Variants in LOXL4 observed in about 807,000 individuals in gnomAD.
LOXL4 encodes lysyl oxidase homolog 4.
LOXL4 carries 72 observed loss-of-function variants against 89.1 expected under a neutral mutation model. That is an observed-to-expected ratio of 0.81 (90% CI 0.67 to 0.98). The LOEUF (loss-of-function observed/expected upper bound fraction) is 0.98, where lower values mean the gene tolerates loss of function less well. Among genes scored for constraint, LOXL4 ranks in the 50% least tolerant of loss-of-function variants. The probability of loss-of-function intolerance (pLI) is 0.00; values close to 1 mark genes in which losing one functional copy is unlikely to be tolerated. For missense variants in LOXL4, 984 were observed against 1,017.5 expected, an observed-to-expected ratio of 0.97 and a Z score of 0.45; for synonymous variants, 355 against 392.1, an observed-to-expected ratio of 0.91 and a Z score of 1.12.
rs887141067 is a variant in LOXL4 at position 98,263,044 on chromosome 10, C to T, written c.-25G>A. 6.2e-7 allele frequency: 1 copy of T among 1,606,980 alleles called. No homozygotes were observed. Among genetic ancestry groups the T allele is most frequent in the African/African-American group, 1.3e-5 (1 of 74,802 alleles). ...TGGTGACTTCAAGGACAGCTGAGGCCAAGATACCTGAGGAATGAGTAAACA... is the reference window on the plus strand; with the variant it reads ...TGGTGACTTCAAGGACAGCTGAGGCTAAGATACCTGAGGAATGAGTAAACA... On this transcript the variant is annotated 5_prime_UTR_variant, in exon 2 of 15. Transcript: ENST00000260702.
At chr10:98,252,619 G>A (rs1858229750) in intron 11 of LOXL4, 151 bp from the exon 12 acceptor site, 4 of 594,740 alleles carry the variant, frequency 6.7e-6, no homozygotes, top group Admixed American at 6.0e-5. Context: ...CCCGAGATTA[G>A]TGTGACGCAC....
chr10:98,253,346 CG>C (rs1564756311), intron 11 of LOXL4, among the ~76,000 whole-genome samples: 5 of 152,234 alleles, frequency 3.3e-5, no homozygotes, highest in Admixed American at 2.0e-4. Context: ...ACAGACCCCA[CG>C]GGCACCATTG....
At chr10:98,264,750 C>T (rs1039784060) in intron 1 of LOXL4, among the ~76,000 whole-genome samples, 1 of 152,166 alleles carries the variant, frequency 6.6e-6, no homozygotes. Context: ...GAAGCTGAAG[C>T]TCCTCCACCC....
intron 3 of LOXL4, 92 bp from the exon 4 acceptor site, chr10:98,261,219 G>A (rs1433094033): frequency 8.8e-6 from 12 of 1,362,190 alleles, no homozygotes; most frequent in Non-Finnish European, 1.1e-5. Flanking sequence ...CTGGGGCTTG[G>A]AGCTTTTCGA....
At chr10:98,256,756 G>A (rs371442764) in intron 9 of LOXL4, 24 bp downstream of exon 9, 1,018 of 1,613,468 alleles carry the variant, frequency 6.3e-4, no homozygotes, top group Non-Finnish European at 8.0e-4. Flanking sequence ...GAGGTCATAC[G>A]GAAGAAACAA....
At position 98,267,235 on chromosome 10, in the gene LOXL4, G is replaced by A. The variant is rs143360648; in HGVS notation, c.-33+897C>T. On this transcript the variant is annotated intron_variant, in intron 1 of 14. Transcript: ENST00000260702. Reference sequence around the variant, plus strand: ...AGAGGGGGAGGAGGAAAGGAAGGCCGGGAGCCGACTGAAATTCCACCCTGT... The same window carrying A: ...AGAGGGGGAGGAGGAAAGGAAGGCCAGGAGCCGACTGAAATTCCACCCTGT... 5.7e-3 allele frequency among the ~76,000 whole-genome samples: 865 copies of A among 152,152 alleles called. 5 individuals carry two copies. Among genetic ancestry groups the A allele is most frequent in the East Asian group, 0.055 (284 of 5,144 alleles).
At position 98,262,946 on chromosome 10, in the gene LOXL4, T is replaced by C; in HGVS notation, c.74A>G (p.Gln25Arg). ...LLGQPPPSRPQSLGTTKLRLV... is the reference protein window; with the variant it reads ...LLGQPPPSRPRSLGTTKLRLV... ...CCGGAGCTTAGTGGTGCCCAGTGACTGTGGCCTGCTGGGAGGGGGCTGGCC... is the reference window on the plus strand; with the variant it reads ...CCGGAGCTTAGTGGTGCCCAGTGACCGTGGCCTGCTGGGAGGGGGCTGGCC... The change falls in exon 2 of 15, where the codon CAG (glutamine) becomes CGG (arginine). Residue 25 changes from glutamine to arginine, a missense_variant. Gln to Arg is a conservative substitution (Grantham distance 43). Coordinates refer to ENST00000260702, the MANE Select transcript of LOXL4 (RefSeq NM_032211.7). 6.2e-7 allele frequency: 1 copy of C among 1,613,712 alleles called. No individual in the cohort carries two copies. The highest frequency in any genetic ancestry group is 8.5e-7 in the Non-Finnish European group (1 of 1,180,018).
chr10:98,248,821 TG>T lies in LOXL4; in HGVS notation c.*99del. On this transcript the variant is annotated 3_prime_UTR_variant, in exon 15 of 15. Coordinates refer to ENST00000260702, the MANE Select transcript of LOXL4 (RefSeq NM_032211.7). ...GCAGGTTCTTGGTGCCCCTTGGCAC[TG>T]GCCCTTTTCCTCTGAGTTGGGACTC... 9.2e-7 allele frequency: 1 copy of T among 1,082,394 alleles called. No individual in the cohort carries two copies. The highest frequency in any genetic ancestry group is 1.4e-6 in the Non-Finnish European group (1 of 727,886). 67.0% of individuals were successfully genotyped at this position (1,082,394 alleles called of 1,614,324 possible). A position where few individuals can be genotyped will look rare whatever the true frequency, so the allele number is the denominator to read the frequency against.
At chr10:98,259,292 G>T in intron 5 of LOXL4, 64 bp from the exon 6 acceptor site, 2 of 1,583,078 alleles carry the variant, frequency 1.3e-6, no homozygotes, top group Non-Finnish European at 1.7e-6. Flanking sequence ...GACTAAGGGA[G>T]GCCAAGGTAG....
At chr10:98,258,501 A>G (rs1027467469) in intron 6 of LOXL4, among the ~76,000 whole-genome samples, 4 of 150,570 alleles carry the variant, frequency 2.7e-5, no homozygotes, top group Non-Finnish European at 5.9e-5. Flanking sequence ...TCAGTGTGGC[A>G]CTAAGGTATC....
At chr10:98,257,554 T>TCCTGGACCTCTCC in intron 8 of LOXL4, 96 bp downstream of exon 8, 1 of 1,438,626 alleles carries the variant, frequency 7.0e-7, no homozygotes, top group African/African-American at 1.4e-5. Context: ...TAGCCGCTCC[T>TCCTGGACCTCTCC]CCTGGACCTC....
At position 98,257,666 on chromosome 10, in the gene LOXL4, A is replaced by T; in HGVS notation, c.1244T>A (p.Met415Lys). 8 of 1,613,830 alleles carry T rather than the reference A, an allele frequency of 5.0e-6. No homozygotes were observed. The highest frequency in any genetic ancestry group is 6.8e-6 in the Non-Finnish European group (8 of 1,179,864). Residue 415 changes from methionine (M) to lysine (K), a missense_variant, in exon 8 of 15, where the codon ATG (methionine) becomes AAG (lysine). By Grantham distance (95) the Met-to-Lys change is moderately conservative. Coordinates refer to ENST00000260702, the MANE Select transcript of LOXL4 (RefSeq NM_032211.7). ...CAAACTCACCTGATTCTGAAAGCCC[A>T]TGTTAGGGACATTGCACCTGACAGC... The part of the protein sequence containing the change: ...DAAVRCNVPN[M>K]GFQNQVRLAG...
intron 1 of LOXL4, among the ~76,000 whole-genome samples, chr10:98,267,719 G>A (rs1426427619): frequency 6.6e-6 from 1 of 152,122 alleles, no homozygotes; most frequent in African/African-American, 2.4e-5. Flanking sequence ...AACATAATCA[G>A]CTCCGGTCTG....
At chr10:98,254,287 G>A (rs922997937) in intron 10 of LOXL4, among the ~76,000 whole-genome samples, 17 of 152,220 alleles carry the variant, frequency 1.1e-4, no homozygotes, top group Non-Finnish European at 2.4e-4. Context: ...AAGCTCTGCT[G>A]ATACCTAACC....
At chr10:98,263,160 A>ATGTGTG (rs112780536) in intron 1 of LOXL4, 109 bp from the exon 2 acceptor site, 1 of 495,988 alleles carries the variant, frequency 2.0e-6, no homozygotes, top group South Asian at 2.8e-5. Context: ...CCCCCCTCAA[A>ATGTGTG]TGTGTGTGTG....
At chr10:98,255,851 G>C (rs1858346420) in intron 9 of LOXL4, 112 bp from the exon 10 acceptor site, 2 of 1,322,178 alleles carry the variant, frequency 1.5e-6, no homozygotes, top group Non-Finnish European at 2.1e-6. Flanking sequence ...GTCCAGCCTG[G>C]GCCTGAAAAT....
At chr10:98,251,793 C>T in intron 12 of LOXL4, 91 bp from the exon 13 acceptor site, 1 of 1,475,404 alleles carries the variant, frequency 6.8e-7, no homozygotes, top group Non-Finnish European at 9.2e-7. Context: ...TCATCATGCC[C>T]AGTTCACAGA....
rs78036972 is a variant in LOXL4, at chr10:98,259,451, A to G, written c.663-22T>C. ...TTTCCTGTTATGGGAGAAAACAGAT[A>G]GGAGGTGGAAGGGGTGTGGAAGTCC... On this transcript the variant is annotated intron_variant, in intron 4 of 14. Coordinates refer to ENST00000260702, the MANE Select transcript of LOXL4 (RefSeq NM_032211.7). 1,077 of 1,610,496 alleles carry G rather than the reference A, an allele frequency of 6.7e-4. 7 individuals are homozygous for G. In the East Asian group the frequency reaches 0.013, roughly 19 times the overall value.
At chr10:98,261,992 A>G in intron 3 of LOXL4, 43 bp downstream of exon 3, 1 of 1,547,968 alleles carries the variant, frequency 6.5e-7, no homozygotes, top group South Asian at 1.2e-5. Context: ...CTGTTCTCTG[A>G]CCCAGCCCTT....
Sources: allele counts gnomAD v4.1 joint callset (sites outside exome capture counted in the v4.1 genomes callset), GRCh38; gene constraint gnomAD v4.1.1; transcripts MANE v1.5; gene names NCBI Gene and HGNC (gene_info 2026-07-23, HGNC 2026-07-21).